Variants in KMT2B observed in about 807,000 individuals in gnomAD.
The protein encoded by KMT2B is histone-lysine N-methyltransferase 2B.
A neutral mutation model predicts 255.3 loss-of-function variants in KMT2B; 22 were observed. That is an observed-to-expected ratio of 0.09 (90% CI 0.06 to 0.12). The LOEUF is 0.12. Among genes scored for constraint, KMT2B ranks in the 10% least tolerant of loss-of-function variants. The probability of loss-of-function intolerance (pLI) is 1.00; values close to 1 mark genes in which losing one functional copy is unlikely to be tolerated. For missense variants in KMT2B, 3,149 were observed against 3,737.0 expected (o/e 0.84, Z 4.10); for synonymous variants, 1,730 against 1,498.1 (o/e 1.15, Z -3.57).
chr19:35,727,725 C>T lies in KMT2B; in HGVS notation c.4330C>T (p.Pro1444Ser), dbSNP rs780730597. Residue 1444 changes from proline to serine, a missense_variant, in exon 17 of 37, where the codon CCA becomes TCA. Physicochemically the swap from Pro to Ser is moderately conservative, Grantham distance 74. Around this residue, in one of 18 missense-constraint regions of KMT2B, gnomAD observed 377 missense variants for 471.0 expected, o/e 0.80. Transcript: ENST00000420124. The surrounding 1 kb of genome is among the most constrained non-coding windows in gnomAD (Gnocchi z 4.2). ...QCGPDGKQLHPGPCGLQAVSQ... is the reference protein window; with the variant it reads ...QCGPDGKQLHSGPCGLQAVSQ... ...TGGGCCAGATGGGAAGCAACTGCACCCAGGACCCTGCGGCCTGCAAGCTGT... is the reference window on the plus strand; with the variant it reads ...TGGGCCAGATGGGAAGCAACTGCACTCAGGACCCTGCGGCCTGCAAGCTGT... 6.2e-6 allele frequency: 10 copies of T among 1,613,698 alleles called. No individual in the cohort carries two copies. The Admixed American group carries it at 1.5e-4, about 24-fold the overall frequency.
In KMT2B at chr19:35,726,706, G is replaced by T. The variant is rs570658654; in HGVS notation, c.4003+353G>T. On this transcript the variant is annotated intron_variant, in intron 14 of 36. Transcript: ENST00000420124. ...TGAAAAGAGGCCTCATCCTAAGGCC[G>T]AGCACAGTGGCTCACGCCTGTAATC... Among the ~76,000 whole-genome samples, 2 of 152,164 alleles carry T rather than the reference G, an allele frequency of 1.3e-5. 1 individual carries two copies.
chr19:35,725,353 T>C lies in KMT2B; in HGVS notation c.3642+20T>C. Reference sequence around the variant, plus strand: ...CACGAGGTTAGATCTCTGCCTTTCTTCACAGACCCCCAGCTCTCTGTCGGT... The same window carrying C: ...CACGAGGTTAGATCTCTGCCTTTCTCCACAGACCCCCAGCTCTCTGTCGGT... On this transcript the variant is annotated intron_variant, in intron 11 of 36. Transcript: ENST00000420124. The surrounding 1 kb of genome is among the most constrained non-coding windows in gnomAD (Gnocchi z 4.1). 9.6e-6 allele frequency: 15 copies of C among 1,557,228 alleles called. No individual in the cohort carries two copies. The highest frequency in any genetic ancestry group is 1.4e-5 in the African/African-American group (1 of 73,542).
At chr19:35,724,260 G>T (rs1025786334) in intron 8 of KMT2B, among the ~76,000 whole-genome samples, 1 of 152,148 alleles carries the variant, frequency 6.6e-6, no homozygotes, top group African/African-American at 2.4e-5. Context: ...AGCACTTTTG[G>T]GAGGCCAAGG....
rs143339515 is a variant in KMT2B at position 35,724,896 on chromosome 19, T to C, written c.3430-93T>C. 1.3e-3 allele frequency: 1,500 copies of C among 1,165,108 alleles called. 4 individuals carry two copies. The African/African-American group carries it at 0.019, about 15-fold the overall frequency. The allele number at this position is 1,165,108 out of a possible 1,614,324, so 72.2% of individuals were successfully genotyped here. On this transcript the variant is annotated intron_variant, in intron 9 of 36. Coordinates refer to ENST00000420124, the MANE Select transcript of KMT2B (RefSeq NM_014727.3). ...AAGCAAAGGGGTCTGGATCAGGGTC[T>C]GGGTCCAGTAGGCTGGGGGAAAGGC...
At chr19:35,735,548 A>T (rs1969883158) in intron 30 of KMT2B, 1 of 152,606 alleles carries the variant, frequency 6.6e-6, no homozygotes, top group Non-Finnish European at 1.5e-5. Context: ...GCTCCCTTCC[A>T]GCTTGGTGGC....
Position 35,725,902 on chromosome 19 carries a change from G to C in KMT2B, c.3885+84G>C. On this transcript the variant is annotated intron_variant, in intron 13 of 36. Coordinates refer to ENST00000420124, the MANE Select transcript of KMT2B (RefSeq NM_014727.3). This position sits in a 1 kb window ranked among gnomAD's most constrained non-coding sequence, Gnocchi z 4.1. ...AACTTGCTCTAGGCTGGGGCTCTCA[G>C]GAGGAGCAGAGGTTGGGGATCCTCT... 1.7e-6 allele frequency: 2 copies of C among 1,150,448 alleles called. No homozygotes were observed. The highest frequency in any genetic ancestry group is 2.5e-6 in the Non-Finnish European group (2 of 784,452). The allele number at this position is 1,150,448 out of a possible 1,614,324, so 71.3% of individuals were successfully genotyped here. A position where few individuals can be genotyped will look rare whatever the true frequency, so the allele number is the denominator to read the frequency against.
chr19:35,733,424 C>T lies in KMT2B; in HGVS notation c.6875C>T (p.Pro2292Leu), dbSNP rs762296794. 3.2e-6 allele frequency: 5 copies of T among 1,554,706 alleles called. No homozygotes were observed. Among genetic ancestry groups the T allele is most frequent in the Non-Finnish European group, 4.4e-6 (5 of 1,149,322 alleles). ...STFSGRSPPA[P>L]PPYKAPRLDE... Reference sequence around the variant, plus strand: ...TTCTCCGGCCGGTCCCCGCCAGCACCTCCCCCATACAAAGCCCCCCGGCTG... The same window carrying T: ...TTCTCCGGCCGGTCCCCGCCAGCACTTCCCCCATACAAAGCCCCCCGGCTG... Residue 2292 changes from proline to leucine, a missense_variant, in exon 28 of 37, where the codon CCT becomes CTT. Transcript: ENST00000420124. The surrounding 1 kb of genome is among the most constrained non-coding windows in gnomAD (Gnocchi z 4.3).
Position 35,720,341 on chromosome 19 carries a change from C to T in KMT2B, c.994C>T (p.His332Tyr), listed in dbSNP as rs187775480. 1.9e-5 allele frequency: 30 copies of T among 1,610,880 alleles called. 1 individual carries two copies. In the African/African-American group the frequency reaches 2.5e-4, roughly 14 times the overall value. The change falls in exon 3 of 37, where the codon CAT becomes TAT. Residue 332 changes from histidine (H) to tyrosine (Y), a missense_variant. Transcript: ENST00000420124. ...GLESGQGQGQ[H>Y]EESWQDVPQR... ...CGAATCAGGTCAAGGTCAAGGTCAA[C>T]ATGAGGAAAGTTGGCAGGATGTCCC...
At chr19:35,724,089 C>T (rs1599677893) in intron 8 of KMT2B, 82 bp downstream of exon 8, 1 of 1,350,272 alleles carries the variant, frequency 7.4e-7, no homozygotes, top group Non-Finnish European at 1.0e-6. Flanking sequence ...GCACCCAGAC[C>T]CAGGGCTCTG....
Position 35,724,016 on chromosome 19 carries a change from T to C in KMT2B, c.3334+9T>C. 1 of 1,564,762 alleles carries C rather than the reference T, an allele frequency of 6.4e-7. No homozygotes were observed. Among genetic ancestry groups the C allele is most frequent in the South Asian group, 1.1e-5 (1 of 88,828 alleles). On this transcript the variant is annotated intron_variant, in intron 8 of 36. Transcript: ENST00000420124. ...GACCCCCCGAGAAAATGGTGCGAACTGCTTAATGCTTTCTCTGTTGATCAT... is the reference window on the plus strand; with the variant it reads ...GACCCCCCGAGAAAATGGTGCGAACCGCTTAATGCTTTCTCTGTTGATCAT...
At position 35,725,380 on chromosome 19, in the gene KMT2B, C is replaced by T. The variant is rs376462578; in HGVS notation, c.3642+47C>T. 5.5e-5 allele frequency: 87 copies of T among 1,569,276 alleles called. 1 individual carries two copies. In the African/African-American group the frequency reaches 1.1e-3, roughly 19 times the overall value. ...ACAGACCCCCAGCTCTCTGTCGGTC[C>T]TCACGGCCTGATTCCTTGGGCCCTC... On this transcript the variant is annotated intron_variant, in intron 11 of 36. Coordinates refer to ENST00000420124, the MANE Select transcript of KMT2B (RefSeq NM_014727.3). The surrounding 1 kb of genome is among the most constrained non-coding windows in gnomAD (Gnocchi z 4.1).
At position 35,733,321 on chromosome 19, in the gene KMT2B, C is replaced by T. The variant is rs1281441914; in HGVS notation, c.6772C>T (p.Pro2258Ser). The change falls in exon 28 of 37, where the codon CCT becomes TCT. Residue 2258 changes from proline (P) to serine (S), a missense_variant. Coordinates refer to ENST00000420124, the MANE Select transcript of KMT2B (RefSeq NM_014727.3). This position sits in a 1 kb window ranked among gnomAD's most constrained non-coding sequence, Gnocchi z 4.3. ...VVRPAPPPPPPPLTLVLSSGP... is the reference protein window; with the variant it reads ...VVRPAPPPPPSPLTLVLSSGP... Reference sequence around the variant, plus strand: ...CCGCCCTGCCCCGCCCCCGCCACCCCCTCCCCTGACGCTGGTGCTGAGCAG... The same window carrying T: ...CCGCCCTGCCCCGCCCCCGCCACCCTCTCCCCTGACGCTGGTGCTGAGCAG... 2 of 1,520,974 alleles carry T rather than the reference C, an allele frequency of 1.3e-6. No individual in the cohort carries two copies. The highest frequency in any genetic ancestry group is 2.0e-5 in the Admixed American group (1 of 50,772). 94.2% of individuals were successfully genotyped at this position (1,520,974 alleles called of 1,614,324 possible).
chr19:35,727,874 C>CT lies in KMT2B; in HGVS notation c.4393-5dup. 6.2e-7 allele frequency: 1 copy of CT among 1,609,634 alleles called. No homozygotes were observed. The highest frequency in any genetic ancestry group is 1.1e-5 in the South Asian group (1 of 90,816). On this transcript the variant is annotated splice_region_variant and splice_polypyrimidine_tract_variant and intron_variant, in intron 17 of 36. Coordinates refer to ENST00000420124, the MANE Select transcript of KMT2B (RefSeq NM_014727.3). This position sits in a 1 kb window ranked among gnomAD's most constrained non-coding sequence, Gnocchi z 4.2. ...GGGGACTCAGTCTCTGACAAACCCC[C>CT]TTACAGCACAGCTTCATGGAGGACA...
rs751257293 is a variant in KMT2B, at chr19:35,727,708, A to T, written c.4313A>T (p.Asp1438Val). Reference sequence around the variant, plus strand: ...TTCCCCGCTTTGCAGTGTGGGCCAGATGGGAAGCAACTGCACCCAGGACCC... The same window carrying T: ...TTCCCCGCTTTGCAGTGTGGGCCAGTTGGGAAGCAACTGCACCCAGGACCC... ...PLLLCTQCGPDGKQLHPGPCG... is the reference protein window; with the variant it reads ...PLLLCTQCGPVGKQLHPGPCG... Residue 1438 changes from aspartate to valine, a missense_variant, in exon 17 of 37, where the codon GAT (aspartate) becomes GTT (valine). This residue lies in a region of KMT2B where 377 missense variants were observed against 471.0 expected (regional missense o/e 0.80). Transcript: ENST00000420124. This position sits in a 1 kb window ranked among gnomAD's most constrained non-coding sequence, Gnocchi z 4.2. 9 of 1,613,602 alleles carry T rather than the reference A, an allele frequency of 5.6e-6. No homozygotes were observed. In the Admixed American group the frequency reaches 1.5e-4, roughly 27 times the overall value.
rs576097182 is a variant in KMT2B at position 35,737,489 on chromosome 19, G to A, written c.7551-147G>A. 105 of 745,242 alleles carry A rather than the reference G, an allele frequency of 1.4e-4. No individual in the cohort carries two copies. Among genetic ancestry groups the A allele is most frequent in the African/African-American group, 1.3e-3 (71 of 56,504 alleles). 46.2% of individuals were successfully genotyped at this position (745,242 alleles called of 1,614,324 possible). A position where few individuals can be genotyped will look rare whatever the true frequency, so the allele number is the denominator to read the frequency against. On this transcript the variant is annotated intron_variant, in intron 33 of 36. Coordinates refer to ENST00000420124, the MANE Select transcript of KMT2B (RefSeq NM_014727.3). The surrounding 1 kb of genome is among the most constrained non-coding windows in gnomAD (Gnocchi z 5.3). ...ATGAGCCCAGGAGTTGGAGACCAGC[G>A]TAGGCAACATGGCAAAACCCCATCT...
Position 35,723,176 on chromosome 19 carries a change from C to T in KMT2B, c.2904C>T (p.His968=). 24 of 1,613,420 alleles carry T rather than the reference C, an allele frequency of 1.5e-5. No homozygotes were observed. Among genetic ancestry groups the T allele is most frequent in the Non-Finnish European group, 2.0e-5 (24 of 1,179,894 alleles). The change falls in exon 6 of 37, where the codon CAC becomes CAT. Residue 968 remains histidine (H), a synonymous_variant. Coordinates refer to ENST00000420124, the MANE Select transcript of KMT2B (RefSeq NM_014727.3). The surrounding 1 kb of genome is among the most constrained non-coding windows in gnomAD (Gnocchi z 7.5). The part of the protein sequence containing the change: ...GKKMRMARCG[H]CRGCLRVQDC... Reference sequence around the variant, plus strand: ...AGATGCGCATGGCTCGATGTGGACACTGTCGGGGCTGCCTACGTGTGCAGG... The same window carrying T: ...AGATGCGCATGGCTCGATGTGGACATTGTCGGGGCTGCCTACGTGTGCAGG...
In KMT2B at chr19:35,733,810, C is replaced by T. The variant is rs748865916; in HGVS notation, c.7097C>T (p.Pro2366Leu). ...TTGCTGCCACTTCCGGAAGATGGTC[C>T]TCCCCAGGTCCCCGATGGTCCCCCA... ...SPLLPLPEDGPPQVPDGPPDL... is the reference protein window; with the variant it reads ...SPLLPLPEDGLPQVPDGPPDL... The change falls in exon 30 of 37, where the codon CCT becomes CTT. Residue 2366 changes from proline to leucine, a missense_variant. This residue lies in a region of KMT2B where 897 missense variants were observed against 825.3 expected (regional missense o/e 1.09). Transcript: ENST00000420124. This position sits in a 1 kb window ranked among gnomAD's most constrained non-coding sequence, Gnocchi z 4.3. The T allele has an allele frequency of 1.2e-6, 2 of 1,613,756 alleles. No individual in the cohort carries two copies. Among genetic ancestry groups the T allele is most frequent in the East Asian group, 2.2e-5 (1 of 44,858 alleles).
rs1568384871 is a variant in KMT2B at position 35,736,894 on chromosome 19, GCTCTGCTGT to G, written c.7298-14_7298-6del. ...AAAACACCATCCTGACTCAGCTCTG[GCTCTGCTGT>G]CTCCCCAGGGGCGTGGAGAACTCTG... On this transcript the variant is annotated splice_polypyrimidine_tract_variant and intron_variant, in intron 31 of 36. Transcript: ENST00000420124. 6.2e-7 allele frequency: 1 copy of G among 1,613,956 alleles called. No homozygotes were observed. Among genetic ancestry groups the G allele is most frequent in the Non-Finnish European group, 8.5e-7 (1 of 1,179,876 alleles).
In KMT2B at chr19:35,733,215, C is replaced by A; in HGVS notation, c.6666C>A (p.Pro2222=). Residue 2222 remains proline (P), a synonymous_variant, in exon 28 of 37, where the codon CCC becomes CCA. Coordinates refer to ENST00000420124, the MANE Select transcript of KMT2B (RefSeq NM_014727.3). The surrounding 1 kb of genome is among the most constrained non-coding windows in gnomAD (Gnocchi z 4.3). ...PPPVKQPPLP[P]TISPTAPTSW... The stretch of plus-strand genomic sequence containing the variant: ...CAGTGAAGCAGCCACCTTTGCCCCC[C>A]ACCATTTCCCCCACGGCTCCCACCT... The A allele has an allele frequency of 2.7e-6, 4 of 1,500,100 alleles. No homozygotes were observed. Among genetic ancestry groups the A allele is most frequent in the Non-Finnish European group, 3.6e-6 (4 of 1,101,354 alleles). 92.9% of individuals were successfully genotyped at this position (1,500,100 alleles called of 1,614,324 possible).
Sources: gnomAD v4.1 joint callset for allele counts (sites outside exome capture counted in the v4.1 genomes callset) on GRCh38, gnomAD v4.1.1 for gene constraint, gnomAD v4.1.1 regional missense constraint, Gnocchi (gnomAD v3.1) non-coding constraint, MANE v1.5 for transcripts, NCBI Gene and HGNC (gene_info 2026-07-23, HGNC 2026-07-21) for gene names.